The following PDE4C variants were observed in gnomAD, a reference collection of about 807,000 sequenced individuals.
PDE4C encodes 3',5'-cyclic-AMP phosphodiesterase 4C.
PDE4C carries 50 observed loss-of-function variants against 63.9 expected under a neutral mutation model. The ratio of observed to expected loss-of-function variants is 0.78; its 90% CI spans 0.62 to 0.99. The LOEUF (loss-of-function observed/expected upper bound fraction) is 0.99. Among genes scored for constraint, PDE4C ranks in the 50% least tolerant of loss-of-function variants. The probability of loss-of-function intolerance (pLI) is 0.00; values close to 1 mark genes in which losing one functional copy is unlikely to be tolerated. For synonymous variants in PDE4C, 377 were observed against 385.1 expected (o/e 0.98, Z 0.25); for missense variants, 777 against 899.1 (o/e 0.86, Z 1.74).
At chr19:18,211,244 C>G (rs1967924356) in exon 15 of PDE4C, 3 of 1,602,850 alleles carry the variant, frequency 1.9e-6, no homozygotes, top group Non-Finnish European at 2.6e-6. Context: ...AAGTCTCCCA[C>G]AGTGGGTGAG....
chr19:18,254,362 C>G, the PDE4C span, among the ~76,000 whole-genome samples: 1 of 152,154 alleles, frequency 6.6e-6, no homozygotes, highest in South Asian at 2.1e-4. Context: ...AGGACACAAG[C>G]CCTGTTGAGT....
chr19:18,224,292 G>A, intron 1 of PDE4C: 6 of 985,496 alleles, frequency 6.1e-6, no homozygotes, highest in Non-Finnish European at 7.2e-6. Context: ...AAGACAACCG[G>A]GACCGCCTGA....
At chr19:18,249,230 A>G (rs1324579193), upstream of PDE4C, among the ~76,000 whole-genome samples, 2 of 152,034 alleles carry the variant, frequency 1.3e-5, no homozygotes, top group African/African-American at 4.8e-5. Context: ...CAGCTTCTCA[A>G]AGTGCTGAGA....
upstream of PDE4C, chr19:18,252,119 G>A (rs1357729242): frequency 7.5e-6 from 3 of 399,202 alleles, no homozygotes; most frequent in East Asian, 3.6e-5. Flanking sequence ...CCGTTCCGGG[G>A]CTGTGGGAAG....
At position 18,225,035 on chromosome 19, in the gene PDE4C, CG is replaced by C. The variant is rs528868408; in HGVS notation, c.146+1234del. Among the ~76,000 whole-genome samples, 247 of 152,318 alleles carry C rather than the reference CG, an allele frequency of 1.6e-3. 2 individuals are homozygous for C. The highest frequency in any genetic ancestry group is 5.7e-3 in the African/African-American group (237 of 41,572). ...CCACAGGGCGTGCAAATCCGGATCC[CG>C]GGCGCGGAGGGTTAAGGACTGGGCC... On this transcript the variant is annotated intron_variant, in intron 1 of 14. Coordinates refer to ENST00000262805, the Ensembl canonical transcript of PDE4C.
the PDE4C span, among the ~76,000 whole-genome samples, chr19:18,253,372 G>A: frequency 2.6e-5 from 4 of 152,024 alleles, no homozygotes; most frequent in Non-Finnish European, 5.9e-5. Context: ...GACATAATGA[G>A]ACCTTGTCTC....
At chr19:18,214,961 A>C (rs895090546) in intron 12 of PDE4C, among the ~76,000 whole-genome samples, 1 of 151,770 alleles carries the variant, frequency 6.6e-6, no homozygotes, top group Non-Finnish European at 1.5e-5. Context: ...AAAAAAAAAA[A>C]AAAAAAACTT....
At chr19:18,237,705 G>A (rs1261772080), upstream of PDE4C, among the ~76,000 whole-genome samples, 3 of 150,894 alleles carry the variant, frequency 2.0e-5, no homozygotes, top group East Asian at 2.0e-4. Context: ...ACCCTGTCTC[G>A]ACTAAAAATA....
Position 18,221,727 on chromosome 19 carries a change from C to G in PDE4C, c.338+405G>C, listed in dbSNP as rs930018883. Among the ~76,000 whole-genome samples the G allele has an allele frequency of 5.1e-4, 78 of 152,174 alleles. 1 individual carries two copies. Among genetic ancestry groups the G allele is most frequent in the South Asian group, 1.4e-3 (7 of 4,830 alleles). On this transcript the variant is annotated intron_variant, in intron 2 of 14. Coordinates refer to ENST00000262805, the Ensembl canonical transcript of PDE4C. Reference sequence around the variant, plus strand: ...ACAACCTCCGCCTCCTGGGTTCAAGCGATTCTCGTGCCTCAGCCTCCTGAG... The same window carrying G: ...ACAACCTCCGCCTCCTGGGTTCAAGGGATTCTCGTGCCTCAGCCTCCTGAG...
At chr19:18,221,878 G>A (rs1388120684) in intron 2 of PDE4C, among the ~76,000 whole-genome samples, 1 of 152,094 alleles carries the variant, frequency 6.6e-6, no homozygotes, top group Non-Finnish European at 1.5e-5. Flanking sequence ...CGCCCACCTC[G>A]GCCTCCCAAA....
chr19:18,236,576 T>TCGATG (rs2148060023), upstream of PDE4C, among the ~76,000 whole-genome samples: 1 of 152,244 alleles, frequency 6.6e-6, no homozygotes, highest in South Asian at 2.1e-4. Context: ...CTGAGCCCCC[T>TCGATG]CGATGTGAGG....
At chr19:18,210,926 G>A in exon 15 of PDE4C, 1 of 1,599,120 alleles carries the variant, frequency 6.3e-7, no homozygotes, top group Non-Finnish European at 8.5e-7. Context: ...CGCAGGGCTG[G>A]CCCTAAGTCC....
upstream of PDE4C, among the ~76,000 whole-genome samples, chr19:18,228,948 T>A (rs1968795194): frequency 6.6e-6 from 1 of 152,114 alleles, no homozygotes; most frequent in Non-Finnish European, 1.5e-5. Context: ...TATTATTATT[T>A]TTTGAGAACA....
chr19:18,221,052 G>GCCAGGCCCCCCCCCACCCCC, intron 4 of PDE4C, 53 bp downstream of exon 4: 117 of 1,245,220 alleles, frequency 9.4e-5, no homozygotes, highest in Non-Finnish European at 1.3e-4. Context: ...CCCGCTTTCC[G>GCCAGGCCCCCCCCCACCCCC]CCCACCTTGT....
upstream of PDE4C, among the ~76,000 whole-genome samples, chr19:18,235,132 C>T (rs1968928963): frequency 2.0e-5 from 3 of 152,334 alleles, no homozygotes; most frequent in Middle Eastern, 3.4e-3. Context: ...TGCCCCCTCT[C>T]CCCAGCTCCT....
intron 13 of PDE4C, 103 bp downstream of exon 13, chr19:18,213,265 C>A: frequency 1.9e-6 from 2 of 1,048,500 alleles, no homozygotes; most frequent in Non-Finnish European, 2.6e-6. Flanking sequence ...GCCTGGGCGA[C>A]AGAGTGAGAC....
intron 1 of PDE4C, among the ~76,000 whole-genome samples, chr19:18,232,757 C>A (rs188733051): frequency 1.2e-3 from 189 of 152,278 alleles, no homozygotes; most frequent in African/African-American, 4.3e-3. Context: ...GTCACACAGA[C>A]CCACAAGCCA....
At chr19:18,245,463 C>G (rs1969113343) in intron 1 of PDE4C, among the ~76,000 whole-genome samples, 1 of 152,174 alleles carries the variant, frequency 6.6e-6, no homozygotes, top group Non-Finnish European at 1.5e-5. Context: ...CCGTGCCTGG[C>G]CTCTTTGCTG....
upstream of PDE4C, chr19:18,234,163 C>G (rs1018157621): frequency 6.6e-6 from 1 of 152,364 alleles, no homozygotes; most frequent in Non-Finnish European, 1.5e-5. Context: ...TAAGACCCTC[C>G]CCACCCCAAA....
Sources: gnomAD v4.1 joint callset for allele counts (sites outside exome capture counted in the v4.1 genomes callset) on GRCh38, gnomAD v4.1.1 for gene constraint, MANE v1.5 for transcripts, NCBI Gene and HGNC (gene_info 2026-07-23, HGNC 2026-07-21) for gene names.